DCHS2: variants seen among roughly 807,000 people sequenced by gnomAD.
DCHS2 encodes protocadherin-23.
Under a neutral mutation model 182.4 loss-of-function variants are expected in DCHS2, and 142 were observed. That is an observed-to-expected ratio of 0.78 (90% CI 0.68 to 0.89). DCHS2 has a LOEUF of 0.89. DCHS2 is among the 40% of genes least tolerant of loss of function. The pLI is 0.00. For synonymous variants in DCHS2, 1,740 were observed against 1,663.3 expected (o/e 1.05, Z -1.12); for missense variants, 4,319 against 4,198.6 (o/e 1.03, Z -0.79).
chr4:154,417,705 G>A (rs1732932738), intron 1 of DCHS2, among the ~76,000 whole-genome samples: 1 of 152,064 alleles, frequency 6.6e-6, no homozygotes, highest in Non-Finnish European at 1.5e-5. Flanking sequence ...ATGGCCAGGG[G>A]GAAAAAAGTG....
chr4:154,322,541 A>G, intron 7 of DCHS2, 53 bp from the exon 8 acceptor site: 1 of 1,533,848 alleles, frequency 6.5e-7, no homozygotes, highest in Non-Finnish European at 8.7e-7. Context: ...TGCAGAAAAC[A>G]GAAAATCAAT....
chr4:154,364,827 T>C (rs940990876), intron 3 of DCHS2, among the ~76,000 whole-genome samples: 3 of 152,216 alleles, frequency 2.0e-5, no homozygotes, highest in Admixed American at 6.5e-5. Flanking sequence ...TAGTGTAGCA[T>C]CTGACATTAT....
intron 12 of DCHS2, among the ~76,000 whole-genome samples, chr4:154,301,257 TCAAC>T (rs1735185126): frequency 6.6e-6 from 1 of 152,212 alleles, no homozygotes; most frequent in South Asian, 2.1e-4. Flanking sequence ...GTCTCTGCTA[TCAAC>T]CAAATTATAG....
chr4:154,238,875 G>C (rs772866685), intron 19 of DCHS2, among the ~76,000 whole-genome samples: 1 of 152,086 alleles, frequency 6.6e-6, no homozygotes, highest in Non-Finnish European at 1.5e-5. Context: ...ACTGTGCTTG[G>C]TTGGACGGAT....
chr4:154,409,818 C>T (rs916110087), intron 1 of DCHS2, among the ~76,000 whole-genome samples: 1 of 152,192 alleles, frequency 6.6e-6, no homozygotes, highest in African/African-American at 2.4e-5. Context: ...CAAAAGCCCT[C>T]ACCTCTGAGG....
intron 1 of DCHS2, among the ~76,000 whole-genome samples, chr4:154,469,241 AT>A (rs887858836): frequency 1.4e-4 from 21 of 149,234 alleles, no homozygotes; most frequent in African/African-American, 3.0e-4. Context: ...AAAAATTTCT[AT>A]TTTTTTTTTA....
chr4:154,445,082 C>T (rs532820475), intron 1 of DCHS2, among the ~76,000 whole-genome samples: 9 of 152,272 alleles, frequency 5.9e-5, no homozygotes, highest in South Asian at 4.2e-4. Flanking sequence ...GCTGTCACTC[C>T]GTCTCCTCAC....
rs1736143955 is a variant in DCHS2, at chr4:154,323,185, C to A, written c.4019-697G>T. 5 of 1,548,970 alleles carry A rather than the reference C, an allele frequency of 3.2e-6. No individual in the cohort carries two copies. In the Admixed American group the frequency reaches 5.9e-5, roughly 18 times the overall value. The stretch of plus-strand genomic sequence containing the variant: ...CCAACGTGTAGCATAATATGTTCCT[C>A]TATTCTTATGTTTTCCTTAAATTGG... On this transcript the variant is annotated intron_variant, in intron 7 of 19. Transcript: ENST00000357232.
intron 12 of DCHS2, among the ~76,000 whole-genome samples, chr4:154,302,948 C>T: frequency 4.8e-5 from 3 of 62,182 alleles, no homozygotes; most frequent in African/African-American, 3.7e-4. Flanking sequence ...CACACACACA[C>T]ACACACACAC....
intron 8 of DCHS2, among the ~76,000 whole-genome samples, chr4:154,321,505 T>C (rs1238821536): frequency 5.3e-5 from 8 of 152,190 alleles, no homozygotes; most frequent in Non-Finnish European, 8.8e-5. Context: ...TAAGCTGAAC[T>C]GTAGCCTTGT....
intron 16 of DCHS2, among the ~76,000 whole-genome samples, chr4:154,249,192 G>A (rs576775497): frequency 4.5e-4 from 68 of 152,122 alleles, no homozygotes; most frequent in African/African-American, 1.6e-3. Flanking sequence ...TATGCATCTG[G>A]CAAAGGTCTA....
chr4:154,376,675 G>A (rs1464183356), intron 2 of DCHS2, among the ~76,000 whole-genome samples: 1 of 152,118 alleles, frequency 6.6e-6, no homozygotes, highest in Non-Finnish European at 1.5e-5. Context: ...AGAAGCAAAT[G>A]GCATCACCTA....
At chr4:154,477,060 C>T (rs1426702971) in intron 1 of DCHS2, among the ~76,000 whole-genome samples, 1 of 152,092 alleles carries the variant, frequency 6.6e-6, no homozygotes, top group African/African-American at 2.4e-5. Context: ...CTCAGGCTGC[C>T]ATAACAAAAT....
At chr4:154,321,835 T>C (rs1736072156) in intron 8 of DCHS2, among the ~76,000 whole-genome samples, 1 of 152,186 alleles carries the variant, frequency 6.6e-6, no homozygotes, top group Non-Finnish European at 1.5e-5. Context: ...GTGGTTGGTG[T>C]AATTTTTTTC....
At chr4:154,402,047 G>A (rs914301525) in intron 1 of DCHS2, among the ~76,000 whole-genome samples, 1 of 152,120 alleles carries the variant, frequency 6.6e-6, no homozygotes, top group South Asian at 2.1e-4. Context: ...TTAATCTTGG[G>A]TCTATAAGCA....
chr4:154,316,513 C>T (rs979999081), intron 9 of DCHS2, among the ~76,000 whole-genome samples: 2 of 151,942 alleles, frequency 1.3e-5, no homozygotes, highest in Non-Finnish European at 1.5e-5. Context: ...CTGGGTGTGG[C>T]GGCTTACACT....
intron 2 of DCHS2, among the ~76,000 whole-genome samples, chr4:154,369,927 T>G (rs1459710920): frequency 6.6e-6 from 1 of 152,194 alleles, no homozygotes; most frequent in African/African-American, 2.4e-5. Context: ...GTAGGGAACA[T>G]TTTCTACCGT....
At chr4:154,312,792 T>C (rs1561033467) in intron 10 of DCHS2, among the ~76,000 whole-genome samples, 1 of 152,240 alleles carries the variant, frequency 6.6e-6, no homozygotes, top group African/African-American at 2.4e-5. Flanking sequence ...TATTCTTTGA[T>C]ATACACACAA....
chr4:154,428,043 C>T (rs1261538326), intron 1 of DCHS2, among the ~76,000 whole-genome samples: 2 of 152,166 alleles, frequency 1.3e-5, no homozygotes, highest in Non-Finnish European at 2.9e-5. Flanking sequence ...TGAACTCAAA[C>T]TCAGGAGGCT....
Sources: allele counts gnomAD v4.1 joint callset (sites outside exome capture counted in the v4.1 genomes callset), GRCh38; gene constraint gnomAD v4.1.1; transcripts MANE v1.5; gene names NCBI Gene and HGNC (gene_info 2026-07-23, HGNC 2026-07-21).